The following CNBD1 variants were observed in gnomAD, a reference collection of about 807,000 sequenced individuals.
CNBD1 encodes the protein cyclic nucleotide binding domain containing 1.
A neutral mutation model predicts 54.4 loss-of-function variants in CNBD1; 71 were observed. The observed-to-expected ratio is 1.30, with a 90% CI of 1.08 to 1.59. The LOEUF (loss-of-function observed/expected upper bound fraction) is 1.59. Ranked by LOEUF, CNBD1 falls within the 40% of genes most tolerant of loss-of-function variation. The pLI, the probability that CNBD1 is intolerant of heterozygous loss-of-function variation, is 0.00. For missense variants in CNBD1, 659 were observed against 518.0 expected (o/e 1.27, Z -2.64); for synonymous variants, 182 against 170.7 (o/e 1.07, Z -0.51).
At chr8:87,069,709 G>A (rs562909713) in intron 4 of CNBD1, among the ~76,000 whole-genome samples, 1 of 152,228 alleles carries the variant, frequency 6.6e-6, no homozygotes, top group Admixed American at 6.5e-5. Context: ...TACTGGAGTT[G>A]CCATTCTTGC....
intron 4 of CNBD1, among the ~76,000 whole-genome samples, chr8:87,089,429 T>G (rs1811163229): frequency 6.6e-6 from 1 of 152,068 alleles, no homozygotes; most frequent in Admixed American, 6.6e-5. Context: ...TAAATTCAGT[T>G]CTGGCACCAG....
chr8:87,312,669 A>G (rs1218802008), intron 8 of CNBD1, among the ~76,000 whole-genome samples: 1 of 152,048 alleles, frequency 6.6e-6, no homozygotes, highest in Non-Finnish European at 1.5e-5. Flanking sequence ...AATATCATAT[A>G]TTGATTTTTT....
rs551423137 is a variant in CNBD1 at position 87,370,405 on chromosome 8, T to A, written c.1304-12215T>A. On this transcript the variant is annotated intron_variant, in intron 10 of 10. Coordinates refer to ENST00000518476, the MANE Select transcript of CNBD1 (RefSeq NM_173538.3). Reference sequence around the variant, plus strand: ...CAGCACCTGTTGTTTCCTGACTTTTTAATGATTGCCATTCTAACTGGTGTG... The same window carrying A: ...CAGCACCTGTTGTTTCCTGACTTTTAAATGATTGCCATTCTAACTGGTGTG... Among the ~76,000 whole-genome samples the A allele has an allele frequency of 3.3e-5, 5 of 152,296 alleles. No individual in the cohort carries two copies. In the East Asian group the frequency reaches 9.7e-4, roughly 29 times the overall value.
At chr8:87,332,859 G>A (rs28818596) in intron 8 of CNBD1, among the ~76,000 whole-genome samples, 1,663 of 152,082 alleles carry the variant, frequency 0.011, 41 homozygotes, top group African/African-American at 0.038. Flanking sequence ...TATGCAGGCC[G>A]TTTTTTGGTT....
rs1350075231 is a variant in CNBD1, at chr8:86,978,196, T to G, written c.431+38442T>G. On this transcript the variant is annotated intron_variant, in intron 4 of 10. Coordinates refer to ENST00000518476, the MANE Select transcript of CNBD1 (RefSeq NM_173538.3). Reference sequence around the variant, plus strand: ...TTCTTATATTTTAGTAAATAATTTATAGGAAAAAAATCCACTTTTTACTAA... The same window carrying G: ...TTCTTATATTTTAGTAAATAATTTAGAGGAAAAAAATCCACTTTTTACTAA... Among the ~76,000 whole-genome samples the G allele has an allele frequency of 9.9e-5, 15 of 152,068 alleles. No individual in the cohort carries two copies. The East Asian group carries it at 2.9e-3, about 29-fold the overall frequency.
At chr8:86,886,138 T>C (rs2131785430) in intron 1 of CNBD1, among the ~76,000 whole-genome samples, 1 of 152,284 alleles carries the variant, frequency 6.6e-6, no homozygotes, top group Middle Eastern at 3.4e-3. Flanking sequence ...GAGCTATTAC[T>C]GACACTCTTC....
chr8:87,045,859 G>A (rs940132302), intron 4 of CNBD1, among the ~76,000 whole-genome samples: 2 of 151,568 alleles, frequency 1.3e-5, no homozygotes, highest in Non-Finnish European at 2.9e-5. Context: ...GGCGAACATC[G>A]TGAAACCCCG....
At chr8:87,387,534 T>C (rs900059020), downstream of CNBD1, among the ~76,000 whole-genome samples, 1 of 152,042 alleles carries the variant, frequency 6.6e-6, no homozygotes, top group African/African-American at 2.4e-5. Flanking sequence ...GGTAAAGGGA[T>C]CAATTCAACA....
chr8:87,306,612 G>C (rs1200618461), intron 8 of CNBD1, among the ~76,000 whole-genome samples: 1 of 152,188 alleles, frequency 6.6e-6, no homozygotes, highest in Non-Finnish European at 1.5e-5. Context: ...AGCATTTGTA[G>C]TGACCTGGAT....
At chr8:87,314,963 G>A (rs996297656) in intron 8 of CNBD1, among the ~76,000 whole-genome samples, 26 of 151,954 alleles carry the variant, frequency 1.7e-4, no homozygotes, top group African/African-American at 5.6e-4. Context: ...TTAGCCCAAC[G>A]TAAACTTTAA....
chr8:87,210,013 GT>G (rs1563508702), intron 5 of CNBD1, among the ~76,000 whole-genome samples: 1 of 152,092 alleles, frequency 6.6e-6, no homozygotes, highest in Non-Finnish European at 1.5e-5. Flanking sequence ...GTTTTATAAG[GT>G]GCTCTTCCCA....
intron 4 of CNBD1, among the ~76,000 whole-genome samples, chr8:87,088,397 G>A (rs1466667963): frequency 6.6e-6 from 1 of 152,118 alleles, no homozygotes; most frequent in Non-Finnish European, 1.5e-5. Context: ...TGGTATATCT[G>A]TGTGACATAT....
intron 6 of CNBD1, among the ~76,000 whole-genome samples, chr8:87,273,407 G>A (rs1434050500): frequency 6.6e-6 from 1 of 151,892 alleles, no homozygotes; most frequent in Non-Finnish European, 1.5e-5. Context: ...TACCTGAACA[G>A]AAAAGGGAGA....
At chr8:87,303,474 A>G (rs1423095140) in intron 8 of CNBD1, among the ~76,000 whole-genome samples, 1 of 151,960 alleles carries the variant, frequency 6.6e-6, no homozygotes, top group African/African-American at 2.4e-5. Context: ...TACACCTTAT[A>G]CAAAAATTAA....
chr8:87,053,413 C>T (rs546666887), intron 4 of CNBD1, among the ~76,000 whole-genome samples: 13 of 152,204 alleles, frequency 8.5e-5, no homozygotes, highest in Non-Finnish European at 1.6e-4. Flanking sequence ...TCTGGCTGTA[C>T]TTGAGAGGAG....
intron 4 of CNBD1, among the ~76,000 whole-genome samples, chr8:87,073,684 G>T (rs530555475): frequency 6.6e-6 from 1 of 152,192 alleles, no homozygotes; most frequent in African/African-American, 2.4e-5. Flanking sequence ...TCCTTCCTCT[G>T]GAAGCTCTGT....
chr8:87,213,116 T>C (rs1219426196), intron 5 of CNBD1, among the ~76,000 whole-genome samples: 2 of 152,176 alleles, frequency 1.3e-5, no homozygotes, highest in Non-Finnish European at 2.9e-5. Flanking sequence ...AACATTATTG[T>C]CATTAAGCAA....
chr8:87,015,718 G>A (rs1425547219), intron 4 of CNBD1, among the ~76,000 whole-genome samples: 2 of 151,918 alleles, frequency 1.3e-5, no homozygotes, highest in Non-Finnish European at 2.9e-5. Context: ...TTTGGCTCAC[G>A]CCTGTAATCC....
At chr8:87,124,262 T>C (rs911009052) in intron 4 of CNBD1, among the ~76,000 whole-genome samples, 2 of 151,700 alleles carry the variant, frequency 1.3e-5, no homozygotes, top group Non-Finnish European at 3.0e-5. Flanking sequence ...AACACATTAC[T>C]TCAAAGACTC....
Sources: gnomAD v4.1 joint callset for allele counts (sites outside exome capture counted in the v4.1 genomes callset) on GRCh38, gnomAD v4.1.1 for gene constraint, MANE v1.5 for transcripts, NCBI Gene and HGNC (gene_info 2026-07-23, HGNC 2026-07-21) for gene names.